The following ABCA9 variants were observed in gnomAD, a reference collection of about 807,000 sequenced individuals.
ABCA9 encodes the protein ATP binding cassette subfamily A member 9.
ABCA9 carries 183 observed loss-of-function variants against 205.3 expected under a neutral mutation model. The ratio of observed to expected loss-of-function variants is 0.89; its 90% CI spans 0.79 to 1.01. The LOEUF is 1.01. Among genes scored for constraint, ABCA9 ranks in the 50% least tolerant of loss-of-function variants. The pLI is 0.00. For synonymous variants in ABCA9, 651 were observed against 683.3 expected (o/e 0.95, Z 0.74); for missense variants, 1,805 against 1,912.4 (o/e 0.94, Z 1.05).
At chr17:69,036,223 T>A (rs2071334379) in intron 6 of ABCA9, among the ~76,000 whole-genome samples, 1 of 152,182 alleles carries the variant, frequency 6.6e-6, no homozygotes, top group South Asian at 2.1e-4. Context: ...TATTTTCAGC[T>A]TTGCAGGCTG....
intron 27 of ABCA9, 65 bp from the exon 28 acceptor site, chr17:68,992,331 T>C: frequency 9.4e-7 from 1 of 1,059,018 alleles, no homozygotes; most frequent in Non-Finnish European, 1.3e-6. Flanking sequence ...AATATTGGAA[T>C]TGATTTAAAG....
chr17:69,042,638 C>T (rs577228588), intron 6 of ABCA9: 2 of 152,310 alleles, frequency 1.3e-5, no homozygotes, highest in East Asian at 1.9e-4. Flanking sequence ...TGGGTTCACC[C>T]ATATATGGTA....
At chr17:69,048,967 T>C (rs2071810701) in intron 3 of ABCA9, among the ~76,000 whole-genome samples, 1 of 152,212 alleles carries the variant, frequency 6.6e-6, no homozygotes, top group Non-Finnish European at 1.5e-5. Flanking sequence ...TCTTAATATG[T>C]ATGTATTTGA....
At chr17:69,038,778 T>A (rs1370922184) in intron 6 of ABCA9, among the ~76,000 whole-genome samples, 1 of 152,152 alleles carries the variant, frequency 6.6e-6, no homozygotes, top group Non-Finnish European at 1.5e-5. Flanking sequence ...AGTCAAATTG[T>A]CTCTGTTTGC....
rs150342332 is a variant in ABCA9, at chr17:69,060,910, T to C, written c.-58A>G. On this transcript the variant is annotated 5_prime_UTR_variant, in exon 1 of 39. It removes an upstream start codon present in the reference 5' UTR. Transcript: ENST00000340001. ...AAAATCTAGAAACACAGTTCATCCA[T>C]GGGTCTCTGCATGTTCTGGAGGAGA... 7.0e-4 allele frequency: 690 copies of C among 985,430 alleles called. 4 individuals carry two copies. The African/African-American group carries it at 0.011, about 15-fold the overall frequency. 61.0% of individuals were successfully genotyped at this position (985,430 alleles called of 1,614,324 possible). A position where few individuals can be genotyped will look rare whatever the true frequency, so the allele number is the denominator to read the frequency against.
intron 26 of ABCA9, among the ~76,000 whole-genome samples, chr17:68,995,493 T>C (rs894400998): frequency 6.6e-6 from 1 of 152,194 alleles, no homozygotes; most frequent in African/African-American, 2.4e-5. Context: ...CAATCTCAAA[T>C]ATCTAGCTTT....
At chr17:69,049,641 G>T in intron 2 of ABCA9, 151 bp from the exon 3 acceptor site, 3 of 673,766 alleles carry the variant, frequency 4.5e-6, no homozygotes, top group Non-Finnish European at 7.2e-6. Flanking sequence ...GATTTTCTTT[G>T]TCCATTAATC....
the ABCA9 span, chr17:69,078,945 T>G: frequency 2.8e-6 from 4 of 1,441,480 alleles, no homozygotes; most frequent in Non-Finnish European, 3.8e-6. Context: ...TTATAGGAGA[T>G]CAACAAAAAA....
chr17:68,987,754 G>GTTT (rs1441587722), intron 31 of ABCA9, among the ~76,000 whole-genome samples: 11 of 85,338 alleles, frequency 1.3e-4, no homozygotes, highest in African/African-American at 2.9e-4. Context: ...TTGTTTGTTT[G>GTTT]TTTGTTTGTT....
chr17:69,070,527 G>A, the ABCA9 span, among the ~76,000 whole-genome samples: 1 of 152,146 alleles, frequency 6.6e-6, no homozygotes, highest in African/African-American at 2.4e-5. Context: ...GGAAGCGTGA[G>A]GGACTGTGCC....
intron 1 of ABCA9, among the ~76,000 whole-genome samples, chr17:69,052,144 G>A (rs1041985638): frequency 6.6e-6 from 1 of 152,188 alleles, no homozygotes; most frequent in African/African-American, 2.4e-5. Context: ...GCTGAGGCAG[G>A]AGGATTGCTT....
Position 68,989,944 on chromosome 17 carries a change from T to C in ABCA9, c.3838-14A>G. 1 of 1,560,974 alleles carries C rather than the reference T, an allele frequency of 6.4e-7. No individual in the cohort carries two copies. The highest frequency in any genetic ancestry group is 1.1e-5 in the South Asian group (1 of 87,934). On this transcript the variant is annotated splice_polypyrimidine_tract_variant and intron_variant, in intron 29 of 38. Transcript: ENST00000340001. ...GATGACGGGTGTCTGTAAAGACAAGTAAATAACAACGGGACTTTATTCGCA... is the reference window on the plus strand; with the variant it reads ...GATGACGGGTGTCTGTAAAGACAAGCAAATAACAACGGGACTTTATTCGCA...
intron 12 of ABCA9, among the ~76,000 whole-genome samples, chr17:69,028,038 A>G (rs1420962241): frequency 6.6e-6 from 1 of 152,238 alleles, no homozygotes; most frequent in Non-Finnish European, 1.5e-5. Flanking sequence ...TATTTATGAC[A>G]TATTTAAAAC....
chr17:69,074,413 G>T, the ABCA9 span, among the ~76,000 whole-genome samples: 1 of 152,144 alleles, frequency 6.6e-6, no homozygotes, highest in Non-Finnish European at 1.5e-5. Context: ...TCCCTCGTCT[G>T]TTAGTCCCCT....
Position 68,982,616 on chromosome 17 carries a change from A to G in ABCA9, c.4666T>C (p.Leu1556=). 6.2e-7 allele frequency: 1 copy of G among 1,614,086 alleles called. No individual in the cohort carries two copies. The highest frequency in any genetic ancestry group is 8.5e-7 in the Non-Finnish European group (1 of 1,179,976). ...ERFSSLMVYK[L]PVEDVRPLSQ... The stretch of plus-strand genomic sequence containing the variant: ...AAAGGTCGCACATCCTCAACAGGCA[A>G]CTTATAGACCATCAGGGAGGAGAAC... Residue 1556 remains leucine (L), a synonymous_variant, in exon 37 of 39, where the codon TTG becomes CTG. Coordinates refer to ENST00000340001, the MANE Select transcript of ABCA9 (RefSeq NM_080283.4).
At chr17:69,014,792 G>C (rs1273427124) in intron 22 of ABCA9, among the ~76,000 whole-genome samples, 1 of 152,116 alleles carries the variant, frequency 6.6e-6, no homozygotes, top group Non-Finnish European at 1.5e-5. Context: ...AGAAGTTGTT[G>C]AATTACCTGG....
Position 69,028,624 on chromosome 17 carries a change from T to A in ABCA9, c.1526A>T (p.Glu509Val). The stretch of plus-strand genomic sequence containing the variant: ...ACCAAGGAGGGCAGTGATCTGGCCT[T>A]CATATATGTCAAACACCACACCTGG... ...ALKGVVFDIY[E>V]GQITALLGHS... The change falls in exon 12 of 39, where the codon GAA (glutamate) becomes GTA (valine). Residue 509 changes from glutamate to valine, a missense_variant. Coordinates refer to ENST00000340001, the MANE Select transcript of ABCA9 (RefSeq NM_080283.4). The A allele has an allele frequency of 6.2e-7, 1 of 1,601,954 alleles. No homozygotes were observed. The highest frequency in any genetic ancestry group is 8.5e-7 in the Non-Finnish European group (1 of 1,173,802).
rs544996810 is a variant in ABCA9, at chr17:69,003,841, T to G, written c.3435+3918A>C. The stretch of plus-strand genomic sequence containing the variant: ...TCTTTTTATTCTTTTTTCTCTAAAC[T>G]TCCCTTCTCGCTTCATTTCATTCAT... On this transcript the variant is annotated intron_variant, in intron 25 of 38. Transcript: ENST00000340001. 2.2e-3 allele frequency among the ~76,000 whole-genome samples: 341 copies of G among 152,248 alleles called. 2 individuals carry two copies. Among genetic ancestry groups the G allele is most frequent in the African/African-American group, 7.5e-3 (310 of 41,526 alleles).
chr17:69,022,758 C>T, intron 17 of ABCA9, among the ~76,000 whole-genome samples: 1 of 152,132 alleles, frequency 6.6e-6, no homozygotes. Flanking sequence ...CTTTCAACTT[C>T]TGACCATGGT....
Sources: allele counts gnomAD v4.1 joint callset (sites outside exome capture counted in the v4.1 genomes callset), GRCh38; gene constraint gnomAD v4.1.1; transcripts MANE v1.5; gene names NCBI Gene and HGNC (gene_info 2026-07-23, HGNC 2026-07-21).